Variants in CDH19 observed in about 807,000 individuals in gnomAD.
CDH19 encodes cadherin 19, also known as cadherin-19.
CDH19 carries 67 observed loss-of-function variants against 64.2 expected under a neutral mutation model. The observed-to-expected ratio is 1.04, with a 90% CI of 0.86 to 1.28. The LOEUF (loss-of-function observed/expected upper bound fraction) is 1.28, where lower values mean the gene tolerates loss of function less well. Ranked by LOEUF, CDH19 falls within the 50% of genes most tolerant of loss-of-function variation. CDH19 has a pLI of 0.00. For synonymous variants in CDH19, 346 were observed against 319.3 expected (o/e 1.08, Z -0.89); for missense variants, 1,030 against 929.0 (o/e 1.11, Z -1.41).
chr18:66,568,408 T>A lies in CDH19; in HGVS notation c.490+8A>T. 9 of 1,597,422 alleles carry A rather than the reference T, an allele frequency of 5.6e-6. No individual in the cohort carries two copies. Among genetic ancestry groups the A allele is most frequent in the Non-Finnish European group, 6.0e-6 (7 of 1,169,606 alleles). On this transcript the variant is annotated splice_region_variant and intron_variant, in intron 3 of 11. Coordinates refer to ENST00000262150, the MANE Select transcript of CDH19 (RefSeq NM_021153.4). Reference sequence around the variant, plus strand: ...AATATATCTTTGATGTAAATTAATATGCAATACCTTCTGGAGACATCTCTG... The same window carrying A: ...AATATATCTTTGATGTAAATTAATAAGCAATACCTTCTGGAGACATCTCTG...
chr18:66,553,889 A>C (rs751829595), intron 4 of CDH19, among the ~76,000 whole-genome samples: 1 of 134,324 alleles, frequency 7.4e-6, no homozygotes, highest in Non-Finnish European at 1.5e-5. Context: ...CATGTAAATC[A>C]GAAATCTGTA....
intron 7 of CDH19, among the ~76,000 whole-genome samples, chr18:66,541,472 CA>C (rs1350892121): frequency 2.0e-5 from 3 of 151,560 alleles, no homozygotes; most frequent in Non-Finnish European, 4.4e-5. Context: ...CTTTTGCTTA[CA>C]AAGAAAAAAG....
intron 1 of CDH19, among the ~76,000 whole-genome samples, chr18:66,585,986 G>T (rs1988566964): frequency 6.6e-6 from 1 of 151,970 alleles, no homozygotes; most frequent in Non-Finnish European, 1.5e-5. Flanking sequence ...TATAATCTAT[G>T]CACTTATGCA....
At chr18:66,567,979 G>A (rs530508125) in intron 3 of CDH19, among the ~76,000 whole-genome samples, 11 of 151,850 alleles carry the variant, frequency 7.2e-5, no homozygotes, top group East Asian at 5.8e-4. Flanking sequence ...TTTTGTCTTA[G>A]TGGTTTTTTC....
chr18:66,575,800 TAGAA>T (rs1469143511), intron 1 of CDH19, among the ~76,000 whole-genome samples: 1 of 151,754 alleles, frequency 6.6e-6, no homozygotes, highest in African/African-American at 2.4e-5. Context: ...TATCAGTAAA[TAGAA>T]AGACCTTCTT....
At chr18:66,553,049 A>C (rs1489477361) in intron 4 of CDH19, among the ~76,000 whole-genome samples, 1 of 134,108 alleles carries the variant, frequency 7.5e-6, no homozygotes, top group Non-Finnish European at 1.5e-5. Context: ...TTCTGCCTTG[A>C]CCACACAACA....
At chr18:66,601,778 C>A (rs2144651121) in intron 1 of CDH19, among the ~76,000 whole-genome samples, 1 of 151,742 alleles carries the variant, frequency 6.6e-6, no homozygotes, top group South Asian at 2.1e-4. Flanking sequence ...GGCTTTAGAG[C>A]ATTTAGCTGT....
chr18:66,573,701 T>G (rs1451483605), intron 1 of CDH19, among the ~76,000 whole-genome samples: 2 of 151,594 alleles, frequency 1.3e-5, no homozygotes, highest in African/African-American at 2.4e-5. Flanking sequence ...TCAGTGAATA[T>G]AATTTTTGGG....
At position 66,510,078 on chromosome 18, in the gene CDH19, T is replaced by C. The variant is rs1249982319; in HGVS notation, c.1577-832A>G. Among the ~76,000 whole-genome samples the C allele has an allele frequency of 3.3e-5, 5 of 151,860 alleles. No homozygotes were observed. In the East Asian group the frequency reaches 5.8e-4, roughly 18 times the overall value. ...TGTAATTTCTTGTACCTCAGAACTG[T>C]ATTTTCCCTTTACTTCTTTTTTACC... On this transcript the variant is annotated intron_variant, in intron 10 of 11. Transcript: ENST00000262150.
chr18:66,535,883 A>C (rs939274494), intron 7 of CDH19, among the ~76,000 whole-genome samples: 8 of 147,174 alleles, frequency 5.4e-5, no homozygotes, highest in African/African-American at 2.0e-4. Context: ...ATTACATCAC[A>C]TGTATTTATT....
intron 9 of CDH19, among the ~76,000 whole-genome samples, chr18:66,528,012 A>T (rs1986292010): frequency 6.6e-6 from 1 of 151,558 alleles, no homozygotes; most frequent in Admixed American, 6.6e-5. Context: ...TATTTATAAT[A>T]ATTCTAGAAA....
intron 8 of CDH19, chr18:66,532,525 A>ACACACACAC (rs1986493366): frequency 8.6e-6 from 2 of 232,170 alleles, no homozygotes; most frequent in African/African-American, 8.7e-5. Flanking sequence ...CACACAGAGA[A>ACACACACAC]AGAGAGAGAG....
At position 66,568,161 on chromosome 18, in the gene CDH19, C is replaced by T. The variant is rs75566287; in HGVS notation, c.490+255G>A. Reference sequence around the variant, plus strand: ...TAAATGAACAAGGTCTAAAAACTTACGAATTGCTCAAATAAACATATCTAA... The same window carrying T: ...TAAATGAACAAGGTCTAAAAACTTATGAATTGCTCAAATAAACATATCTAA... On this transcript the variant is annotated intron_variant, in intron 3 of 11. Coordinates refer to ENST00000262150, the MANE Select transcript of CDH19 (RefSeq NM_021153.4). 1.9e-3 allele frequency among the ~76,000 whole-genome samples: 285 copies of T among 151,854 alleles called. 3 individuals are homozygous for T. Among genetic ancestry groups the T allele is most frequent in the African/African-American group, 6.3e-3 (261 of 41,486 alleles).
Position 66,529,979 on chromosome 18 carries a change from T to C in CDH19, c.1337-13A>G. 7.4e-7 allele frequency: 1 copy of C among 1,356,228 alleles called. No homozygotes were observed. 84.0% of individuals were successfully genotyped at this position (1,356,228 alleles called of 1,614,324 possible). On this transcript the variant is annotated splice_polypyrimidine_tract_variant and intron_variant, in intron 8 of 11. Transcript: ENST00000262150. ...TGTTCTATATTGTCTGCAATTTGAA[T>C]ATATATAATAAAAATCTAACATATT... is the stretch of plus-strand genomic sequence containing the variant.
chr18:66,521,357 T>C (rs1985974112), intron 9 of CDH19, among the ~76,000 whole-genome samples: 1 of 152,154 alleles, frequency 6.6e-6, no homozygotes, highest in African/African-American at 2.4e-5. Flanking sequence ...CCACGGTATT[T>C]ACATTAAGTC....
At chr18:66,532,542 A>G (rs551797723) in intron 8 of CDH19, 25 of 293,330 alleles carry the variant, frequency 8.5e-5, no homozygotes, top group Admixed American at 2.2e-4. Context: ...AGAGAGAGGG[A>G]AAAAAAAAGC....
chr18:66,545,560 A>G (rs1034163528), intron 5 of CDH19, among the ~76,000 whole-genome samples: 3 of 151,978 alleles, frequency 2.0e-5, no homozygotes, highest in Non-Finnish European at 4.4e-5. Context: ...TATTATCTCT[A>G]TTTACATGCA....
intron 9 of CDH19, among the ~76,000 whole-genome samples, chr18:66,519,048 A>T (rs1985865656): frequency 6.6e-6 from 1 of 152,150 alleles, no homozygotes; most frequent in Non-Finnish European, 1.5e-5. Context: ...CCTCTATAAC[A>T]CATTTATAGT....
At chr18:66,579,297 A>T (rs1022490747) in intron 1 of CDH19, among the ~76,000 whole-genome samples, 12 of 152,052 alleles carry the variant, frequency 7.9e-5, no homozygotes, top group African/African-American at 2.9e-4. Context: ...TACCAAAAAA[A>T]GTTGAAAGCT....
Sources: allele counts gnomAD v4.1 joint callset (sites outside exome capture counted in the v4.1 genomes callset), GRCh38; gene constraint gnomAD v4.1.1; transcripts MANE v1.5; gene names NCBI Gene and HGNC (gene_info 2026-07-23, HGNC 2026-07-21).